SLC7A2: variants seen among roughly 807,000 people sequenced by gnomAD.
SLC7A2 encodes the protein solute carrier family 7 member 2, also known as cationic amino acid transporter 2.
SLC7A2 carries 48 observed loss-of-function variants against 58.9 expected under a neutral mutation model. That is an observed-to-expected ratio of 0.82 (90% CI 0.65 to 1.04). SLC7A2 has a LOEUF of 1.04. SLC7A2 is among the 50% of genes least tolerant of loss of function. The probability of loss-of-function intolerance (pLI) is 0.00; values close to 1 mark genes in which losing one functional copy is unlikely to be tolerated. For synonymous variants in SLC7A2, 363 were observed against 314.5 expected (o/e 1.15, Z -1.63); for missense variants, 1,029 against 818.8 (o/e 1.26, Z -3.13).
intron 4 of SLC7A2, among the ~76,000 whole-genome samples, chr8:17,547,045 A>C (rs1354197570): frequency 6.6e-6 from 1 of 152,216 alleles, no homozygotes; most frequent in East Asian, 1.9e-4. Flanking sequence ...AATCTGTTGT[A>C]CATGGCAGGT....
chr8:17,565,149 CT>C lies in SLC7A2; in HGVS notation c.*5del. The C allele has an allele frequency of 6.2e-7, 1 of 1,607,728 alleles. No individual in the cohort carries two copies. Among genetic ancestry groups the C allele is most frequent in the Non-Finnish European group, 8.5e-7 (1 of 1,175,650 alleles). On this transcript the variant is annotated 3_prime_UTR_variant, in exon 13 of 13. Transcript: ENST00000494857. ...ATGAAAAGACAAGTGAATTCTAACA[CT>C]TGCAGGAGCAGAGCTGGTCATCGTC...
At chr8:17,534,873 G>A (rs1801599182) in intron 2 of SLC7A2, among the ~76,000 whole-genome samples, 4 of 152,072 alleles carry the variant, frequency 2.6e-5, no homozygotes, top group African/African-American at 9.7e-5. Flanking sequence ...AAATCCGTGT[G>A]TCCCTTCCCA....
At chr8:17,521,637 C>T (rs1200013237) in intron 2 of SLC7A2, among the ~76,000 whole-genome samples, 9 of 152,200 alleles carry the variant, frequency 5.9e-5, no homozygotes, top group African/African-American at 1.7e-4. Context: ...GGAGACGTGG[C>T]GCTGGGCTGT....
chr8:17,525,842 A>G (rs554195812), intron 2 of SLC7A2, among the ~76,000 whole-genome samples: 1 of 152,328 alleles, frequency 6.6e-6, no homozygotes, highest in South Asian at 2.1e-4. Flanking sequence ...TGGTGATGTA[A>G]GATACATGAA....
chr8:17,530,573 ATT>A (rs11389186), intron 2 of SLC7A2, among the ~76,000 whole-genome samples: 9,879 of 140,274 alleles, frequency 0.07, 455 homozygotes, highest in East Asian at 0.25. Context: ...GAGTAAATAG[ATT>A]TTTTTTTTTT....
rs1349150346 is a variant in SLC7A2, at chr8:17,517,789, C to T, written c.-23+15487C>T. ...TATATTTTTGGTAACATCTTGATGA[C>T]CTTCAAATTTTCTTTCATCAGCGGA... On this transcript the variant is annotated intron_variant, in intron 2 of 12. Coordinates refer to ENST00000494857, the MANE Select transcript of SLC7A2 (RefSeq NM_001370338.1). Among the ~76,000 whole-genome samples the T allele has an allele frequency of 5.9e-5, 9 of 151,900 alleles. No homozygotes were observed. The East Asian group carries it at 1.7e-3, about 29-fold the overall frequency.
At chr8:17,501,044 C>G (rs572858506) in intron 1 of SLC7A2, among the ~76,000 whole-genome samples, 3 of 150,118 alleles carry the variant, frequency 2.0e-5, no homozygotes, top group Non-Finnish European at 2.9e-5. Flanking sequence ...GACAGAGTCT[C>G]GTTCTGACGC....
intron 2 of SLC7A2, among the ~76,000 whole-genome samples, chr8:17,522,336 C>G (rs1021501860): frequency 3.0e-4 from 46 of 152,058 alleles, no homozygotes; most frequent in Non-Finnish European, 1.8e-4. Context: ...CCCACTAGGT[C>G]CCTCCCACAA....
At chr8:17,544,750 G>T in intron 4 of SLC7A2, 144 bp downstream of exon 4, 1 of 676,092 alleles carries the variant, frequency 1.5e-6, no homozygotes. Flanking sequence ...CATCTGTGGG[G>T]TTTATCACTG....
chr8:17,523,478 A>G (rs1295663675), intron 2 of SLC7A2, among the ~76,000 whole-genome samples: 1 of 152,186 alleles, frequency 6.6e-6, no homozygotes, highest in East Asian at 1.9e-4. Context: ...CAGCCAACTA[A>G]TCTTCAACAA....
At chr8:17,561,401 C>T (rs569305555) in intron 10 of SLC7A2, among the ~76,000 whole-genome samples, 3 of 152,218 alleles carry the variant, frequency 2.0e-5, no homozygotes, top group South Asian at 2.1e-4. Context: ...CATCAGATCT[C>T]GCTAGACTTA....
chr8:17,544,418 G>C (rs768905600), intron 3 of SLC7A2, 33 bp from the exon 4 acceptor site: 1 of 1,598,786 alleles, frequency 6.3e-7, no homozygotes, highest in South Asian at 1.1e-5. Flanking sequence ...TTTGCCCCCA[G>C]TGACTTCGTA....
chr8:17,553,257 C>T (rs1270715968), intron 7 of SLC7A2, among the ~76,000 whole-genome samples: 1 of 152,064 alleles, frequency 6.6e-6, no homozygotes, highest in East Asian at 1.9e-4. Flanking sequence ...CGCTAAGTTC[C>T]CGAGGCTGGT....
chr8:17,495,118 G>A (rs1365793172), upstream of SLC7A2, among the ~76,000 whole-genome samples: 1 of 152,150 alleles, frequency 6.6e-6, no homozygotes, highest in African/African-American at 2.4e-5. Flanking sequence ...TTTAAAAATA[G>A]GAATCTCTAT....
chr8:17,552,129 C>T, intron 7 of SLC7A2, 143 bp downstream of exon 7: 1 of 651,978 alleles, frequency 1.5e-6, no homozygotes, highest in Non-Finnish European at 2.7e-6. Flanking sequence ...TTGGCTTGCT[C>T]AGAATTTCCA....
chr8:17,521,097 G>A (rs1011759701), intron 2 of SLC7A2, among the ~76,000 whole-genome samples: 1 of 151,992 alleles, frequency 6.6e-6, no homozygotes, highest in Non-Finnish European at 1.5e-5. Context: ...ATATATGTAA[G>A]GTAACTACAT....
chr8:17,505,606 A>G (rs1257406759), intron 2 of SLC7A2, among the ~76,000 whole-genome samples: 2 of 152,236 alleles, frequency 1.3e-5, no homozygotes, highest in African/African-American at 4.8e-5. Context: ...CCTATGGGCC[A>G]GAAACAAATT....
intron 10 of SLC7A2, among the ~76,000 whole-genome samples, chr8:17,561,365 G>A (rs868414992): frequency 6.6e-5 from 10 of 152,088 alleles, no homozygotes; most frequent in African/African-American, 1.9e-4. Flanking sequence ...TGGTAACCAA[G>A]CAAAAGGGGT....
chr8:17,522,348 A>G (rs1801048513), intron 2 of SLC7A2, among the ~76,000 whole-genome samples: 1 of 152,130 alleles, frequency 6.6e-6, no homozygotes. Context: ...CTCCCACAAC[A>G]CATAGGAATT....
Sources: allele counts gnomAD v4.1 joint callset (sites outside exome capture counted in the v4.1 genomes callset), GRCh38; gene constraint gnomAD v4.1.1; transcripts MANE v1.5; gene names NCBI Gene and HGNC (gene_info 2026-07-23, HGNC 2026-07-21).